CLIP1: variants seen among roughly 807,000 people sequenced by gnomAD.
CLIP1 encodes the protein CAP-Gly domain-containing linker protein 1.
In CLIP1, 66 loss-of-function variants were observed where a neutral mutation model predicts 161.6. The observed-to-expected ratio is 0.41, with a 90% CI of 0.33 to 0.50. The LOEUF is 0.50. Among genes scored for constraint, CLIP1 ranks in the 20% least tolerant of loss-of-function variants. The pLI, the probability that CLIP1 is intolerant of heterozygous loss-of-function variation, is 0.27. For missense variants in CLIP1, 1,376 were observed against 1,702.0 expected, an observed-to-expected ratio of 0.81 and a Z score of 3.37; for synonymous variants, 598 against 626.2, an observed-to-expected ratio of 0.96 and a Z score of 0.67.
Position 122,286,933 on chromosome 12 carries a change from G to GT in CLIP1, c.3647+1555_3647+1556insA, listed in dbSNP as rs1358278489. Among the ~76,000 whole-genome samples the GT allele has an allele frequency of 7.2e-5, 11 of 152,080 alleles. 1 individual carries two copies. Among genetic ancestry groups the GT allele is most frequent in the Admixed American group, 7.2e-4 (11 of 15,278 alleles). On this transcript the variant is annotated intron_variant, in intron 21 of 25. Transcript: ENST00000620786. The stretch of plus-strand genomic sequence containing the variant: ...GAATCGCTTGAACCCAGGAGGCGGA[G>GT]GTTGCAGTGAGCCGAGATCGCACCA...
In CLIP1 at chr12:122,355,374, G is replaced by A. The variant is rs928583556; in HGVS notation, c.1006-62C>T. 36 of 1,455,952 alleles carry A rather than the reference G, an allele frequency of 2.5e-5. 1 individual carries two copies. The Middle Eastern group carries it at 6.3e-4, about 25-fold the overall frequency. The allele number at this position is 1,455,952 out of a possible 1,614,324, so 90.2% of individuals were successfully genotyped here. On this transcript the variant is annotated intron_variant, in intron 5 of 25. Coordinates refer to ENST00000620786, the MANE Select transcript of CLIP1 (RefSeq NM_001247997.2). This position sits in a 1 kb window ranked among gnomAD's most constrained non-coding sequence, Gnocchi z 4.1. The stretch of plus-strand genomic sequence containing the variant: ...GCTGTCAGAAAAGCGAGGGAGGCGC[G>A]ATGCATGCATGGCGGGCATCTGCTC...
At chr12:122,415,481 C>CAAA (rs546640412) in intron 1 of CLIP1, among the ~76,000 whole-genome samples, 3 of 78,804 alleles carry the variant, frequency 3.8e-5, no homozygotes. Flanking sequence ...GACTCCATCT[C>CAAA]AAAAAAAAAA....
intron 17 of CLIP1, 84 bp downstream of exon 17, chr12:122,327,863 G>A: frequency 7.7e-7 from 1 of 1,294,994 alleles, no homozygotes; most frequent in East Asian, 2.3e-5. Flanking sequence ...TTTCCCACTG[G>A]CTGCTGCTTT....
Position 122,334,164 on chromosome 12 carries a change from T to C in CLIP1, c.2627-54A>G, listed in dbSNP as rs941667720. On this transcript the variant is annotated intron_variant, in intron 13 of 25. Coordinates refer to ENST00000620786, the MANE Select transcript of CLIP1 (RefSeq NM_001247997.2). ...TATGTTTCATATTTAATAAGCTATC[T>C]GGAGCTTGGCTGTCTTACAACCCAG... 8 of 1,131,166 alleles carry C rather than the reference T, an allele frequency of 7.1e-6. No homozygotes were observed. The Admixed American group carries it at 1.2e-4, about 16-fold the overall frequency. 70.1% of individuals were successfully genotyped at this position (1,131,166 alleles called of 1,614,324 possible).
chr12:122,288,715 A>G (rs1955962379), intron 20 of CLIP1, among the ~76,000 whole-genome samples, 174 bp from the exon 21 acceptor site: 1 of 152,098 alleles, frequency 6.6e-6, no homozygotes, highest in African/African-American at 2.4e-5. Flanking sequence ...TTATTAATAT[A>G]TAAATCACTT....
intron 3 of CLIP1, among the ~76,000 whole-genome samples, chr12:122,364,432 C>G (rs1332339339): frequency 1.4e-5 from 2 of 145,404 alleles, no homozygotes; most frequent in Admixed American, 1.4e-4. Flanking sequence ...GAGACAGGGT[C>G]TCACTCTGTC....
At chr12:122,401,369 G>T (rs1956135481) in intron 1 of CLIP1, among the ~76,000 whole-genome samples, 1 of 152,008 alleles carries the variant, frequency 6.6e-6, no homozygotes, top group African/African-American at 2.4e-5. Context: ...AATTATTAAT[G>T]AACAAATTAA....
intron 1 of CLIP1, chr12:122,399,680 CA>C (rs1225375007): frequency 6.6e-6 from 1 of 152,154 alleles, no homozygotes; most frequent in African/African-American, 2.4e-5. Context: ...CTTCCAGAAA[CA>C]GGCTGCGTGG....
chr12:122,325,167 C>T lies in CLIP1; in HGVS notation c.3249+2780G>A, dbSNP rs4758668. ...TCCGCCTCTGGGTTCAAGCTATTCTCATGCCTCAGCCTCCCAAGTAGCTGG... is the reference window on the plus strand; with the variant it reads ...TCCGCCTCTGGGTTCAAGCTATTCTTATGCCTCAGCCTCCCAAGTAGCTGG... On this transcript the variant is annotated intron_variant, in intron 17 of 25. Coordinates refer to ENST00000620786, the MANE Select transcript of CLIP1 (RefSeq NM_001247997.2). Among the ~76,000 whole-genome samples the T allele has an allele frequency of 8.0e-3, 1,207 of 150,640 alleles. 75 individuals are homozygous for T. In the East Asian group the frequency reaches 0.16, roughly 20 times the overall value.
At chr12:122,352,881 T>G in intron 7 of CLIP1, 95 bp from the exon 8 acceptor site, 1 of 1,046,376 alleles carries the variant, frequency 9.6e-7, no homozygotes, top group Non-Finnish European at 1.5e-6. Context: ...ACGTTGGGCA[T>G]GGTAGGCCAC....
chr12:122,302,714 C>T (rs1950734353), intron 20 of CLIP1, among the ~76,000 whole-genome samples: 1 of 152,052 alleles, frequency 6.6e-6, no homozygotes, highest in African/African-American at 2.4e-5. Flanking sequence ...TCTCCCATGT[C>T]AGTATCCAAG....
At position 122,309,685 on chromosome 12, in the gene CLIP1, G is replaced by A. The variant is rs180786724; in HGVS notation, c.3594+77C>T. ...CCCACCACACTGAGCAGACCTCCGA[G>A]TGGCCTCTGAGCGTGCTGCCAACAG... On this transcript the variant is annotated intron_variant, in intron 20 of 25. Coordinates refer to ENST00000620786, the MANE Select transcript of CLIP1 (RefSeq NM_001247997.2). 5.1e-6 allele frequency: 8 copies of A among 1,573,644 alleles called. No homozygotes were observed. The African/African-American group carries it at 8.1e-5, about 16-fold the overall frequency.
chr12:122,340,171 G>A (rs1181661043), intron 11 of CLIP1, among the ~76,000 whole-genome samples: 1 of 151,360 alleles, frequency 6.6e-6, no homozygotes, highest in Non-Finnish European at 1.5e-5. Flanking sequence ...TCCGCCTCCC[G>A]GGTTGTTCAA....
At chr12:122,366,616 G>A (rs1264455208) in intron 3 of CLIP1, among the ~76,000 whole-genome samples, 6 of 152,172 alleles carry the variant, frequency 3.9e-5, no homozygotes, top group Admixed American at 3.3e-4. Flanking sequence ...CAAGGCAGGC[G>A]GATCACTTGA....
At chr12:122,302,666 C>T (rs1215611807) in intron 20 of CLIP1, among the ~76,000 whole-genome samples, 2 of 151,572 alleles carry the variant, frequency 1.3e-5, no homozygotes, top group African/African-American at 2.4e-5. Context: ...GGTGTGGTCT[C>T]GGCTCACTGC....
chr12:122,408,811 TA>T (rs760009052), intron 1 of CLIP1, among the ~76,000 whole-genome samples: 38 of 152,144 alleles, frequency 2.5e-4, no homozygotes, highest in African/African-American at 4.3e-4. Flanking sequence ...GGCACCTTGA[TA>T]TTTTTTTTAT....
chr12:122,278,183 C>T lies in CLIP1; in HGVS notation c.3937G>A (p.Asp1313Asn). The T allele has an allele frequency of 1.3e-6, 2 of 1,599,406 alleles. No individual in the cohort carries two copies. The highest frequency in any genetic ancestry group is 1.7e-6 in the Non-Finnish European group (2 of 1,175,386). Residue 1313 changes from aspartate (D) to asparagine (N), a missense_variant, in exon 24 of 26, where the codon GAC (aspartate) becomes AAC (asparagine). By Grantham distance (23) the Asp-to-Asn change is conservative. Transcript: ENST00000620786. ...SSSGNTDTQA[D>N]EDERAQESQI... is the part of the protein sequence containing the mutation. ...CTCTCCTGGGCTCTTTCATCCTCGTCTGCCTGAGTGTCTGTATTACCTTAT... is the reference window on the plus strand; with the variant it reads ...CTCTCCTGGGCTCTTTCATCCTCGTTTGCCTGAGTGTCTGTATTACCTTAT...
At chr12:122,413,151 T>C (rs1956603260) in intron 1 of CLIP1, among the ~76,000 whole-genome samples, 1 of 152,156 alleles carries the variant, frequency 6.6e-6, no homozygotes, top group Non-Finnish European at 1.5e-5. Context: ...ATAATGTCTC[T>C]AATAAAAAGT....
intron 18 of CLIP1, among the ~76,000 whole-genome samples, chr12:122,317,679 G>A (rs1249235187): frequency 3.3e-5 from 5 of 152,230 alleles, no homozygotes; most frequent in Admixed American, 3.3e-4. Flanking sequence ...GTCTCCTACA[G>A]CCAGAAAAGG....
Sources: allele counts gnomAD v4.1 joint callset (sites outside exome capture counted in the v4.1 genomes callset), GRCh38; gene constraint gnomAD v4.1.1; non-coding constraint Gnocchi (gnomAD v3.1); transcripts MANE v1.5; gene names NCBI Gene and HGNC (gene_info 2026-07-23, HGNC 2026-07-21).